INTS9: variants seen among roughly 807,000 people sequenced by gnomAD.
INTS9 encodes integrator complex subunit 9, also known as protein related to CPSF subunits of 74 kDa.
Under a neutral mutation model 79.7 loss-of-function variants are expected in INTS9, and 55 were observed. That is an observed-to-expected ratio of 0.69 (90% CI 0.56 to 0.86). The LOEUF (loss-of-function observed/expected upper bound fraction) is 0.86. Ranked by LOEUF, INTS9 falls within the 40% of genes least tolerant of loss-of-function variation. INTS9 has a pLI of 0.00. For missense variants in INTS9, 721 were observed against 831.5 expected (o/e 0.87, Z 1.64); for synonymous variants, 319 against 325.2 (o/e 0.98, Z 0.20).
chr8:28,781,134 A>G (rs1803238480), intron 11 of INTS9, 140 bp from the exon 12 acceptor site: 1 of 647,604 alleles, frequency 1.5e-6, no homozygotes, highest in Non-Finnish European at 2.6e-6. Flanking sequence ...AATACCTGCA[A>G]AAGTCACACC....
intron 3 of INTS9, among the ~76,000 whole-genome samples, chr8:28,848,458 T>G (rs1242460712): frequency 6.6e-6 from 1 of 152,210 alleles, no homozygotes; most frequent in Non-Finnish European, 1.5e-5. Flanking sequence ...TGCCTTCCAC[T>G]GTACTCTCTG....
intron 8 of INTS9, chr8:28,810,520 C>T (rs241157): frequency 0.88 from 133,597 of 152,224 alleles, 58,676 homozygotes; most frequent in East Asian, 0.93. Context: ...CTTGGGAGGA[C>T]TGCTTGAGCC....
intron 6 of INTS9, among the ~76,000 whole-genome samples, chr8:28,822,886 T>C (rs1805924590): frequency 6.6e-6 from 1 of 152,104 alleles, no homozygotes; most frequent in South Asian, 2.1e-4. Flanking sequence ...ACACTCTTTG[T>C]GTGGGAAAAT....
Position 28,786,952 on chromosome 8 carries a change from T to C in INTS9, c.1098+877A>G, listed in dbSNP as rs368834636. Among the ~76,000 whole-genome samples, 767 of 151,858 alleles carry C rather than the reference T, an allele frequency of 5.1e-3. 8 individuals are homozygous for C. The highest frequency in any genetic ancestry group is 0.046 in the South Asian group (223 of 4,806). On this transcript the variant is annotated intron_variant, in intron 11 of 16. Coordinates refer to ENST00000521022, the MANE Select transcript of INTS9 (RefSeq NM_018250.4). ...CAGGATGGTCTCGATCTCCTGACCT[T>C]GTGATCCACCCGCCTTGGCCTCCCA... is the stretch of plus-strand genomic sequence containing the variant.
chr8:28,792,647 C>T (rs2130948993), intron 10 of INTS9, among the ~76,000 whole-genome samples: 1 of 152,244 alleles, frequency 6.6e-6, no homozygotes, highest in South Asian at 2.1e-4. Context: ...GGCGCAGTGG[C>T]TCATGCCTGT....
At chr8:28,876,082 G>C (rs893524748) in intron 1 of INTS9, among the ~76,000 whole-genome samples, 1 of 152,122 alleles carries the variant, frequency 6.6e-6, no homozygotes, top group African/African-American at 2.4e-5. Flanking sequence ...TGGGGGGTGT[G>C]TGTGGGTGGC....
In INTS9 at chr8:28,776,183, A is replaced by G. The variant is rs1206343752; in HGVS notation, c.1396-257T>C. 29 of 367,968 alleles carry G rather than the reference A, an allele frequency of 7.9e-5. No individual in the cohort carries two copies. In the East Asian group the frequency reaches 1.1e-3, roughly 14 times the overall value. The allele number at this position is 367,968 out of a possible 1,614,324, so 22.8% of individuals were successfully genotyped here. A position where few individuals can be genotyped will look rare whatever the true frequency, so the allele number is the denominator to read the frequency against. On this transcript the variant is annotated intron_variant, in intron 13 of 16. Coordinates refer to ENST00000521022, the MANE Select transcript of INTS9 (RefSeq NM_018250.4). ...CTTTCTTACTCTTTACATAAGTTTC[A>G]CGGTAACTTCCATGTGTCTGCTCCC...
chr8:28,814,334 A>ACT (rs1239353221), intron 6 of INTS9, among the ~76,000 whole-genome samples: 388 of 139,270 alleles, frequency 2.8e-3, no homozygotes, highest in African/African-American at 0.01. Context: ...ACACACACAC[A>ACT]CTCTCACACA....
intron 6 of INTS9, among the ~76,000 whole-genome samples, chr8:28,826,884 C>T (rs749519274): frequency 3.9e-5 from 6 of 152,170 alleles, no homozygotes; most frequent in Non-Finnish European, 5.9e-5. Flanking sequence ...AGTTACTCAA[C>T]AAGTAAGTGA....
At chr8:28,822,342 A>C (rs1224033538) in intron 6 of INTS9, among the ~76,000 whole-genome samples, 1 of 152,196 alleles carries the variant, frequency 6.6e-6, no homozygotes, top group African/African-American at 2.4e-5. Flanking sequence ...TTCATTTTCT[A>C]AATTGGGAAT....
At chr8:28,869,864 A>C (rs757807762) in intron 1 of INTS9, among the ~76,000 whole-genome samples, 8 of 152,098 alleles carry the variant, frequency 5.3e-5, no homozygotes, top group Non-Finnish European at 1.0e-4. Flanking sequence ...TATCACACAC[A>C]GCTGAGTAAC....
chr8:28,779,650 G>A (rs950960026), intron 12 of INTS9, among the ~76,000 whole-genome samples: 76 of 152,258 alleles, frequency 5.0e-4, no homozygotes, highest in African/African-American at 1.7e-3. Context: ...CCTCACCTCC[G>A]CGAACACCTG....
intron 16 of INTS9, 22 bp downstream of exon 16, chr8:28,769,867 G>C (rs779909513): frequency 1.2e-6 from 2 of 1,612,180 alleles, no homozygotes; most frequent in South Asian, 1.1e-5. Flanking sequence ...GAGTTTTCAC[G>C]GCACCAGCGA....
At chr8:28,801,363 G>A (rs138750876) in intron 8 of INTS9, among the ~76,000 whole-genome samples, 9 of 151,942 alleles carry the variant, frequency 5.9e-5, no homozygotes, top group South Asian at 4.2e-4. Flanking sequence ...GGTGGTGTGC[G>A]CCTATACCTC....
intron 10 of INTS9, among the ~76,000 whole-genome samples, chr8:28,792,797 C>A (rs1803989596): frequency 6.6e-6 from 1 of 151,882 alleles, no homozygotes; most frequent in Non-Finnish European, 1.5e-5. Context: ...CCTGTAATCC[C>A]AGCTTCTTCG....
At chr8:28,833,454 T>C (rs1313861263) in intron 6 of INTS9, among the ~76,000 whole-genome samples, 1 of 151,812 alleles carries the variant, frequency 6.6e-6, no homozygotes, top group East Asian at 1.9e-4. Flanking sequence ...ACCCCATCTC[T>C]ACTAAAAATA....
At chr8:28,789,084 A>C (rs140467821) in intron 10 of INTS9, among the ~76,000 whole-genome samples, 125 of 152,344 alleles carry the variant, frequency 8.2e-4, no homozygotes, top group African/African-American at 2.7e-3. Context: ...GGAAGATATA[A>C]ATATGGAAGA....
In INTS9 at chr8:28,884,883, G is replaced by T. The variant is rs1585542803; in HGVS notation, c.9+4991C>A. Among the ~76,000 whole-genome samples the T allele has an allele frequency of 2.0e-5, 3 of 152,268 alleles. No homozygotes were observed. The Middle Eastern group carries it at 0.01, about 518-fold the overall frequency. On this transcript the variant is annotated intron_variant, in intron 1 of 16. Transcript: ENST00000521022. ...ATAGCCCGAGATTTCCTGTTTTCAT[G>T]TACAACCTAGGAAGCCAACAGGATT...
chr8:28,786,999 G>C (rs1473232559), intron 11 of INTS9, among the ~76,000 whole-genome samples: 1 of 152,158 alleles, frequency 6.6e-6, no homozygotes, highest in East Asian at 1.9e-4. Flanking sequence ...TTACAGGCGT[G>C]AGCCACCGAG....
Sources: allele counts gnomAD v4.1 joint callset (sites outside exome capture counted in the v4.1 genomes callset), GRCh38; gene constraint gnomAD v4.1.1; transcripts MANE v1.5; gene names NCBI Gene and HGNC (gene_info 2026-07-23, HGNC 2026-07-21).